PDZD2: variants seen among roughly 807,000 people sequenced by gnomAD.
PDZD2 encodes PDZ domain-containing protein 2.
In PDZD2, 90 loss-of-function variants were observed where a neutral mutation model predicts 220.7. The ratio of observed to expected loss-of-function variants is 0.41; its 90% CI spans 0.34 to 0.49. PDZD2 has a LOEUF of 0.49. Among genes scored for constraint, PDZD2 ranks in the 20% least tolerant of loss-of-function variants. The pLI is 0.28. For missense variants in PDZD2, 3,174 were observed against 3,608.5 expected (o/e 0.88, Z 3.08); for synonymous variants, 1,375 against 1,450.5 (o/e 0.95, Z 1.18).
chr5:31,848,052 A>G, intron 2 of PDZD2: 1 of 371,196 alleles, frequency 2.7e-6, no homozygotes, highest in Admixed American at 3.1e-5. Context: ...GTTGAAAAGC[A>G]GAGGTGGAAC....
chr5:31,766,631 A>T (rs1580713864), intron 1 of PDZD2, among the ~76,000 whole-genome samples: 1 of 152,266 alleles, frequency 6.6e-6, no homozygotes, highest in East Asian at 1.9e-4. Context: ...GGCTTAAGAC[A>T]TCTGCCCGCC....
chr5:31,817,804 C>T (rs1755563814), intron 2 of PDZD2, among the ~76,000 whole-genome samples: 1 of 151,970 alleles, frequency 6.6e-6, no homozygotes, highest in East Asian at 1.9e-4. Flanking sequence ...GCTGGGACTA[C>T]TGGCACACAC....
At chr5:32,008,889 G>A (rs13354985) in intron 5 of PDZD2, among the ~76,000 whole-genome samples, 8,513 of 152,232 alleles carry the variant, frequency 0.056, 753 homozygotes, top group African/African-American at 0.19. Context: ...GGCCTCAGTC[G>A]TGAAAGGAAG....
intron 1 of PDZD2, among the ~76,000 whole-genome samples, chr5:31,775,664 CGTGT>C (rs370394146): frequency 0.027 from 3,600 of 135,412 alleles, 52 homozygotes; most frequent in African/African-American, 0.046. Context: ...ACTCACAGAG[CGTGT>C]GTGTGTGTGT....
intron 7 of PDZD2, among the ~76,000 whole-genome samples, chr5:32,039,634 C>T (rs1014066275): frequency 1.1e-4 from 17 of 150,688 alleles, no homozygotes; most frequent in South Asian, 4.2e-4. Flanking sequence ...CACCTCTGCC[C>T]GGCCGCCAAC....
At chr5:31,704,852 G>A (rs1747745131) in intron 1 of PDZD2, among the ~76,000 whole-genome samples, 1 of 152,140 alleles carries the variant, frequency 6.6e-6, no homozygotes, top group African/African-American at 2.4e-5. Context: ...CAGAAACCTG[G>A]ATTATATTGT....
At chr5:31,931,695 G>C (rs1745306595) in intron 2 of PDZD2, among the ~76,000 whole-genome samples, 1 of 152,222 alleles carries the variant, frequency 6.6e-6, no homozygotes, top group South Asian at 2.1e-4. Flanking sequence ...GAATGAGACT[G>C]AAAAGGGGGC....
chr5:31,836,200 C>A (rs951765691), intron 2 of PDZD2, among the ~76,000 whole-genome samples: 2 of 147,390 alleles, frequency 1.4e-5, no homozygotes, highest in Non-Finnish European at 3.0e-5. Context: ...TCAATGTTTT[C>A]TCTATAAACC....
intron 1 of PDZD2, chr5:31,725,983 T>C: frequency 1.9e-6 from 1 of 524,138 alleles, no homozygotes; most frequent in South Asian, 2.3e-5. Context: ...CAGTCTTGGA[T>C]ACTCCTGGGT....
intron 2 of PDZD2, among the ~76,000 whole-genome samples, chr5:31,973,363 A>G: frequency 6.6e-6 from 1 of 152,230 alleles, no homozygotes; most frequent in East Asian, 1.9e-4. Flanking sequence ...ACTTTGTTGC[A>G]TGGAGATCAA....
intron 6 of PDZD2, among the ~76,000 whole-genome samples, chr5:32,016,506 CGGA>C (rs1194674381): frequency 6.6e-6 from 1 of 152,136 alleles, no homozygotes; most frequent in Non-Finnish European, 1.5e-5. Context: ...GGCAGATCTT[CGGA>C]GTAGTACTGT....
intron 21 of PDZD2, among the ~76,000 whole-genome samples, chr5:32,096,599 G>T (rs962055337): frequency 5.9e-5 from 9 of 152,182 alleles, no homozygotes; most frequent in Non-Finnish European, 1.2e-4. Context: ...GATTACAGGC[G>T]TGAGCCACTG....
At chr5:31,958,473 C>T (rs533182102) in intron 2 of PDZD2, among the ~76,000 whole-genome samples, 2 of 151,924 alleles carry the variant, frequency 1.3e-5, no homozygotes, top group Admixed American at 1.3e-4. Flanking sequence ...AGGCTGGTGT[C>T]GAACTCCTGA....
At chr5:31,953,549 T>C (rs72759612) in intron 2 of PDZD2, among the ~76,000 whole-genome samples, 4 of 152,188 alleles carry the variant, frequency 2.6e-5, no homozygotes, top group Admixed American at 6.5e-5. Flanking sequence ...GCATGGTGGC[T>C]CTCACTTGTA....
chr5:32,040,074 TGAG>T (rs754850850), intron 7 of PDZD2, among the ~76,000 whole-genome samples: 61 of 142,842 alleles, frequency 4.3e-4, no homozygotes, highest in Non-Finnish European at 7.9e-4. Flanking sequence ...ATCTGGGAGA[TGAG>T]GAGCGCTTCT....
intron 2 of PDZD2, among the ~76,000 whole-genome samples, chr5:31,961,130 G>A (rs1472286389): frequency 1.3e-5 from 2 of 152,178 alleles, no homozygotes; most frequent in South Asian, 2.1e-4. Flanking sequence ...ATGCAGGCTG[G>A]GGGAGTTATG....
intron 1 of PDZD2, among the ~76,000 whole-genome samples, chr5:31,730,585 T>TG (rs1250844366): frequency 9.9e-5 from 9 of 91,170 alleles, no homozygotes; most frequent in African/African-American, 3.6e-4. Flanking sequence ...TGTGTGTGTG[T>TG]GTGTGTGGTG....
intron 7 of PDZD2, among the ~76,000 whole-genome samples, chr5:32,040,755 GGAA>G (rs1489485224): frequency 1.1e-4 from 16 of 142,102 alleles, no homozygotes; most frequent in Middle Eastern, 4.5e-3. Context: ...CCGTCTGGGA[GGAA>G]GTGAGGAGTG....
chr5:31,711,148 G>C (rs1748082703), intron 1 of PDZD2, among the ~76,000 whole-genome samples: 1 of 152,164 alleles, frequency 6.6e-6, no homozygotes, highest in South Asian at 2.1e-4. Flanking sequence ...GTCCACGCCA[G>C]ATGTTCATCA....
Sources: gnomAD v4.1 joint callset for allele counts (sites outside exome capture counted in the v4.1 genomes callset) on GRCh38, gnomAD v4.1.1 for gene constraint, MANE v1.5 for transcripts, NCBI Gene and HGNC (gene_info 2026-07-23, HGNC 2026-07-21) for gene names.